The following LRRC53 variants were observed in gnomAD, a reference collection of about 807,000 sequenced individuals.
The protein encoded by LRRC53 is leucine rich repeat containing 53.
Under a neutral mutation model 13.6 loss-of-function variants are expected in LRRC53, and 25 were observed. That is an observed-to-expected ratio of 1.83 (90% CI 1.34 to 2.56). The LOEUF is 2.56. Ranked by LOEUF, LRRC53 falls within the 30% of genes most tolerant of loss-of-function variation. The pLI, the probability that LRRC53 is intolerant of heterozygous loss-of-function variation, is 0.00. For synonymous variants in LRRC53, 204 were observed against 109.8 expected (o/e 1.86, Z -5.37); for missense variants, 527 against 275.8 (o/e 1.91, Z -6.45).
At chr1:74,490,640 C>T (rs933481616) in intron 1 of LRRC53, among the ~76,000 whole-genome samples, 2 of 152,154 alleles carry the variant, frequency 1.3e-5, no homozygotes, top group African/African-American at 4.8e-5. Flanking sequence ...GAGAGTCAGC[C>T]TAAAGAGGCT....
At chr1:74,513,823 A>G (rs934329245), upstream of LRRC53, among the ~76,000 whole-genome samples, 9 of 152,238 alleles carry the variant, frequency 5.9e-5, no homozygotes, top group Non-Finnish European at 1.0e-4. Context: ...AAAGTTTCAC[A>G]AAAAGGAGAC....
upstream of LRRC53, among the ~76,000 whole-genome samples, chr1:74,514,219 C>T (rs1177585399): frequency 2.0e-5 from 3 of 152,140 alleles, no homozygotes; most frequent in Admixed American, 1.3e-4. Context: ...GTATAAGATA[C>T]GGTCTAATAA....
At chr1:74,522,823 G>A in the LRRC53 span, among the ~76,000 whole-genome samples, 1 of 151,990 alleles carries the variant, frequency 6.6e-6, no homozygotes, top group Non-Finnish European at 1.5e-5. Flanking sequence ...CTGGCTTTAT[G>A]GAAACTTTAC....
intron 1 of LRRC53, among the ~76,000 whole-genome samples, chr1:74,510,632 A>G (rs994884307): frequency 6.6e-6 from 1 of 152,224 alleles, no homozygotes; most frequent in African/African-American, 2.4e-5. Flanking sequence ...ACCAACTACC[A>G]GATCTATGTG....
intron 1 of LRRC53, among the ~76,000 whole-genome samples, chr1:74,495,380 G>C (rs944644991): frequency 2.0e-5 from 3 of 152,176 alleles, no homozygotes; most frequent in Non-Finnish European, 4.4e-5. Flanking sequence ...TGTATCCTTA[G>C]TATCTATCTA....
intron 3 of LRRC53, among the ~76,000 whole-genome samples, chr1:74,476,617 G>A (rs1668219918): frequency 1.3e-5 from 2 of 152,192 alleles, no homozygotes; most frequent in East Asian, 3.9e-4. Context: ...TATGAATTCT[G>A]ATAATGAAAT....
At chr1:74,477,838 A>T (rs192744364) in intron 3 of LRRC53, among the ~76,000 whole-genome samples, 1 of 152,212 alleles carries the variant, frequency 6.6e-6, no homozygotes, top group East Asian at 1.9e-4. Flanking sequence ...TTCTATTTTT[A>T]AAAAGTGTTC....
intron 1 of LRRC53, among the ~76,000 whole-genome samples, chr1:74,486,937 A>G (rs1252949452): frequency 1.3e-5 from 2 of 152,182 alleles, no homozygotes; most frequent in East Asian, 1.9e-4. Flanking sequence ...GAATTTAGCA[A>G]TGAGATCTTT....
chr1:74,478,399 A>G (rs185109955), intron 3 of LRRC53, among the ~76,000 whole-genome samples: 2 of 152,316 alleles, frequency 1.3e-5, no homozygotes, highest in East Asian at 1.9e-4. Flanking sequence ...TAGAATTTGT[A>G]TTCATCTCAA....
upstream of LRRC53, among the ~76,000 whole-genome samples, chr1:74,516,957 A>G (rs1386864669): frequency 6.6e-6 from 1 of 152,194 alleles, no homozygotes; most frequent in East Asian, 1.9e-4. Context: ...GAAGTCTAAA[A>G]GAAATATTTA....
rs1249381541 is a variant in LRRC53 at position 74,480,606 on chromosome 1, A to G, written c.451T>C (p.Phe151Leu). 7 of 717,146 alleles carry G rather than the reference A, an allele frequency of 9.8e-6. No homozygotes were observed. The highest frequency in any genetic ancestry group is 7.0e-5 in the African/African-American group (4 of 57,252). The allele number at this position is 717,146 out of a possible 1,614,324, so 44.4% of individuals were successfully genotyped here. Residue 151 changes from phenylalanine (F) to leucine (L), a missense_variant, in exon 3 of 5, where the codon TTC becomes CTC. Phe to Leu is a conservative substitution (Grantham distance 22). Transcript: ENST00000294635. ...NQITNLTDSS[F>L]GGTNLHSLRY... Reference sequence around the variant, plus strand: ...AGACTGTGGAGATTCGTGCCTCCGAAAGAACTGTCTGTGAGATTAGTAATC... The same window carrying G: ...AGACTGTGGAGATTCGTGCCTCCGAGAGAACTGTCTGTGAGATTAGTAATC...
At chr1:74,518,442 A>G in the LRRC53 span, among the ~76,000 whole-genome samples, 235 of 152,244 alleles carry the variant, frequency 1.5e-3, 3 homozygotes, top group East Asian at 0.032. Context: ...AAGGGCAGTT[A>G]TAGACTCTTG....
At chr1:74,506,545 A>G (rs1392514611) in intron 1 of LRRC53, among the ~76,000 whole-genome samples, 1 of 152,196 alleles carries the variant, frequency 6.6e-6, no homozygotes, top group Non-Finnish European at 1.5e-5. Flanking sequence ...TTTTAGGATT[A>G]TCATCTATAA....
chr1:74,485,352 A>AT (rs1285241569), intron 1 of LRRC53, among the ~76,000 whole-genome samples: 4 of 152,176 alleles, frequency 2.6e-5, no homozygotes, highest in Admixed American at 2.0e-4. Context: ...CAGTTCATTT[A>AT]TTTTAGTCCT....
chr1:74,502,946 G>T (rs1669709556), intron 1 of LRRC53, among the ~76,000 whole-genome samples: 1 of 152,196 alleles, frequency 6.6e-6, no homozygotes, highest in Non-Finnish European at 1.5e-5. Flanking sequence ...ATAAAAGGAT[G>T]AACTTCTTCC....
the LRRC53 span, among the ~76,000 whole-genome samples, chr1:74,522,662 G>GAGAGAA: frequency 1.3e-5 from 2 of 152,088 alleles, no homozygotes; most frequent in African/African-American, 4.8e-5. Context: ...GAGAGAGAGA[G>GAGAGAA]AGAGAAAGAG....
At chr1:74,473,652 A>G (rs756823746) in intron 4 of LRRC53, among the ~76,000 whole-genome samples, 1 of 152,038 alleles carries the variant, frequency 6.6e-6, no homozygotes, top group Admixed American at 6.6e-5. Flanking sequence ...TTTCCCCAAG[A>G]GGTAAACTAA....
At chr1:74,534,312 T>C in the LRRC53 span, among the ~76,000 whole-genome samples, 1 of 152,154 alleles carries the variant, frequency 6.6e-6, no homozygotes, top group African/African-American at 2.4e-5. Flanking sequence ...CTCAGAAGAA[T>C]GTGATTTTAA....
chr1:74,506,437 T>G (rs1669906448), intron 1 of LRRC53, among the ~76,000 whole-genome samples: 1 of 152,160 alleles, frequency 6.6e-6, no homozygotes, highest in Non-Finnish European at 1.5e-5. Flanking sequence ...AAGCCCATGA[T>G]TTTTTTACTA....
Sources: gnomAD v4.1 joint callset for allele counts (sites outside exome capture counted in the v4.1 genomes callset) on GRCh38, gnomAD v4.1.1 for gene constraint, MANE v1.5 for transcripts, NCBI Gene and HGNC (gene_info 2026-07-23, HGNC 2026-07-21) for gene names.